Variants in FAM184A observed in about 807,000 individuals in gnomAD.
FAM184A encodes the protein protein FAM184A.
A neutral mutation model predicts 143.8 loss-of-function variants in FAM184A; 99 were observed. That is an observed-to-expected ratio of 0.69 (90% CI 0.58 to 0.81). The LOEUF is 0.81. Among genes scored for constraint, FAM184A ranks in the 40% least tolerant of loss-of-function variants. The pLI, the probability that FAM184A is intolerant of heterozygous loss-of-function variation, is 0.00. For missense variants in FAM184A, 1,217 were observed against 1,310.5 expected (o/e 0.93, Z 1.10); for synonymous variants, 427 against 446.4 (o/e 0.96, Z 0.55).
chr6:119,055,275 T>C (rs947709798), intron 1 of FAM184A, among the ~76,000 whole-genome samples: 3 of 152,246 alleles, frequency 2.0e-5, no homozygotes, highest in South Asian at 2.1e-4. Flanking sequence ...GGATATACCA[T>C]ATTTTATTCA....
intron 1 of FAM184A, among the ~76,000 whole-genome samples, chr6:119,065,842 C>T (rs1416668806): frequency 6.6e-6 from 1 of 152,148 alleles, no homozygotes; most frequent in Admixed American, 6.6e-5. Flanking sequence ...ATTACAATAG[C>T]TTCCCATTTA....
intron 5 of FAM184A, among the ~76,000 whole-genome samples, chr6:119,013,588 A>C (rs912603262): frequency 6.6e-6 from 1 of 152,252 alleles, no homozygotes; most frequent in East Asian, 1.9e-4. Context: ...ATGCTGTGCA[A>C]ACTGGTTCTG....
intron 9 of FAM184A, 106 bp downstream of exon 9, chr6:119,002,793 C>A (rs773713534): frequency 5.9e-6 from 6 of 1,018,324 alleles, no homozygotes; most frequent in African/African-American, 1.6e-5. Context: ...AAGTTTGTCC[C>A]ATGAAAAATA....
At chr6:119,120,840 CTTTCTTTCT>C (rs1470934031) in intron 1 of FAM184A, among the ~76,000 whole-genome samples, 4,324 of 136,020 alleles carry the variant, frequency 0.032, 132 homozygotes, top group African/African-American at 0.098. Context: ...TTCTTTCTTT[CTTTCTTTCT>C]TTTTTTTTTT....
chr6:119,000,719 C>T (rs1276490867), intron 9 of FAM184A, among the ~76,000 whole-genome samples: 3 of 152,028 alleles, frequency 2.0e-5, no homozygotes, highest in South Asian at 2.1e-4. Flanking sequence ...TATGTGAAAA[C>T]GCACATCCTC....
chr6:119,144,236 A>G (rs1772344011), intron 1 of FAM184A, among the ~76,000 whole-genome samples: 1 of 149,250 alleles, frequency 6.7e-6, no homozygotes, highest in Non-Finnish European at 1.5e-5. Flanking sequence ...CGAGAGGCTG[A>G]GGCAGGAGAA....
chr6:119,069,411 T>C lies in FAM184A; in HGVS notation c.159+8730A>G, dbSNP rs370893921. 7.8e-4 allele frequency among the ~76,000 whole-genome samples: 119 copies of C among 152,272 alleles called. 1 individual carries two copies. Among genetic ancestry groups the C allele is most frequent in the African/African-American group, 2.7e-3 (114 of 41,562 alleles). ...AAATGTTTTCTGAAAGAAATGAGAA[T>C]CTTTAAAACTGTGCTTAAGGAGCTA... On this transcript the variant is annotated intron_variant, in intron 1 of 17. Transcript: ENST00000338891.
At chr6:119,144,195 G>C (rs1772341678) in intron 1 of FAM184A, among the ~76,000 whole-genome samples, 1 of 151,652 alleles carries the variant, frequency 6.6e-6, no homozygotes, top group Admixed American at 6.6e-5. Flanking sequence ...TTAGCCGGGT[G>C]TGGTGGCGGG....
chr6:118,983,062 T>C (rs1159311594), intron 9 of FAM184A, among the ~76,000 whole-genome samples: 1 of 152,210 alleles, frequency 6.6e-6, no homozygotes, highest in East Asian at 1.9e-4. Flanking sequence ...ATATTTTGTA[T>C]TCTTAACTTT....
At chr6:118,991,780 T>TG (rs1562464188) in intron 9 of FAM184A, among the ~76,000 whole-genome samples, 3 of 85,662 alleles carry the variant, frequency 3.5e-5, no homozygotes, top group African/African-American at 1.2e-4. Context: ...TTTTTTTTTT[T>TG]GAGACAGAGT....
At chr6:119,093,384 T>A (rs1405071388) in intron 1 of FAM184A, among the ~76,000 whole-genome samples, 1 of 152,210 alleles carries the variant, frequency 6.6e-6, no homozygotes, top group Non-Finnish European at 1.5e-5. Flanking sequence ...CTTGATGGGA[T>A]GTTACCGTGA....
At chr6:119,037,220 C>T (rs1786148210) in intron 1 of FAM184A, among the ~76,000 whole-genome samples, 1 of 152,120 alleles carries the variant, frequency 6.6e-6, no homozygotes, top group South Asian at 2.1e-4. Flanking sequence ...TTTTTTCTTT[C>T]ACATTTGAAC....
At chr6:119,079,631 G>GT (rs1163395670), upstream of FAM184A, among the ~76,000 whole-genome samples, 2 of 152,222 alleles carry the variant, frequency 1.3e-5, no homozygotes, top group Non-Finnish European at 2.9e-5. Flanking sequence ...AATTGTACCT[G>GT]TTTTTTTAAA....
At chr6:119,132,991 G>A (rs1156610684) in intron 1 of FAM184A, among the ~76,000 whole-genome samples, 4 of 152,218 alleles carry the variant, frequency 2.6e-5, no homozygotes, top group Non-Finnish European at 5.9e-5. Flanking sequence ...GATAGGATTT[G>A]TTCATAAATA....
intron 1 of FAM184A, among the ~76,000 whole-genome samples, chr6:119,097,979 C>A (rs1451430900): frequency 6.6e-6 from 1 of 152,164 alleles, no homozygotes; most frequent in Non-Finnish European, 1.5e-5. Flanking sequence ...GGCCGAACAA[C>A]CACACCGAGG....
chr6:119,118,726 A>G (rs1366397910), intron 1 of FAM184A, among the ~76,000 whole-genome samples: 1 of 152,118 alleles, frequency 6.6e-6, no homozygotes, highest in African/African-American at 2.4e-5. Context: ...GATGTATGTC[A>G]TCTCAGGACC....
At chr6:119,033,435 G>T (rs970198286) in intron 1 of FAM184A, among the ~76,000 whole-genome samples, 1 of 151,308 alleles carries the variant, frequency 6.6e-6, no homozygotes, top group African/African-American at 2.4e-5. Flanking sequence ...GGAGGCCAAG[G>T]TGGTCAAATC....
intron 1 of FAM184A, among the ~76,000 whole-genome samples, chr6:119,134,966 G>T (rs772720983): frequency 6.6e-6 from 1 of 152,210 alleles, no homozygotes; most frequent in African/African-American, 2.4e-5. Flanking sequence ...ATATTGGAGA[G>T]TTGAACCTGT....
intron 1 of FAM184A, among the ~76,000 whole-genome samples, chr6:119,134,824 G>A (rs987070359): frequency 3.3e-5 from 5 of 152,282 alleles, no homozygotes; most frequent in Admixed American, 3.3e-4. Flanking sequence ...GGAGAGAGAG[G>A]TTCCAGGGGC....
Sources: gnomAD v4.1 joint callset for allele counts (sites outside exome capture counted in the v4.1 genomes callset) on GRCh38, gnomAD v4.1.1 for gene constraint, MANE v1.5 for transcripts, NCBI Gene and HGNC (gene_info 2026-07-23, HGNC 2026-07-21) for gene names.